The following HNF4G variants were observed in gnomAD, a reference collection of about 807,000 sequenced individuals.
The protein encoded by HNF4G is hepatocyte nuclear factor 4-gamma.
A neutral mutation model predicts 50.9 loss-of-function variants in HNF4G; 21 were observed. The observed-to-expected ratio is 0.41, with a 90% CI of 0.29 to 0.59. The LOEUF is 0.59. HNF4G is among the 20% of genes least tolerant of loss of function. The pLI is 0.26. For synonymous variants in HNF4G, 198 were observed against 185.6 expected (o/e 1.07, Z -0.54); for missense variants, 527 against 559.4 (o/e 0.94, Z 0.58).
intron 2 of HNF4G, among the ~76,000 whole-genome samples, chr8:75,494,344 A>G (rs1052277015): frequency 8.0e-5 from 12 of 150,254 alleles, no homozygotes; most frequent in African/African-American, 2.7e-4. Flanking sequence ...ACACACACAC[A>G]CACACAGGTT....
intron 1 of HNF4G, among the ~76,000 whole-genome samples, chr8:75,413,337 A>C (rs1044898891): frequency 1.2e-4 from 1 of 8,488 alleles, no homozygotes; most frequent in Admixed American, 1.6e-3. Flanking sequence ...AAGGGAGGGG[A>C]GGGGAGGGGT....
chr8:75,455,045 T>A (rs1164538217), intron 1 of HNF4G, among the ~76,000 whole-genome samples: 5 of 152,186 alleles, frequency 3.3e-5, no homozygotes, highest in Non-Finnish European at 7.4e-5. Flanking sequence ...CTCATTGTCC[T>A]CACATCATCC....
intron 1 of HNF4G, among the ~76,000 whole-genome samples, chr8:75,423,815 C>CTTTTTTTTTTTTTTTTTTTT (rs548125507): frequency 1.4e-5 from 1 of 71,176 alleles, no homozygotes; most frequent in Non-Finnish European, 2.5e-5. Flanking sequence ...AAGTTTCTTT[C>CTTTTTTTTTTTTTTTTTTTT]TTTTTTTTTT....
intron 1 of HNF4G, among the ~76,000 whole-genome samples, chr8:75,461,941 G>C (rs1811861624): frequency 2.0e-5 from 3 of 146,504 alleles, no homozygotes; most frequent in Admixed American, 1.4e-4. Flanking sequence ...TTTTTAGATG[G>C]AGTTTTGCTC....
chr8:75,497,353 A>C (rs771822036), intron 2 of HNF4G, among the ~76,000 whole-genome samples: 1 of 152,170 alleles, frequency 6.6e-6, no homozygotes, highest in Non-Finnish European at 1.5e-5. Flanking sequence ...GGTATAAAGT[A>C]CAATATATAA....
intron 1 of HNF4G, among the ~76,000 whole-genome samples, chr8:75,439,126 T>C (rs551164989): frequency 2.0e-5 from 3 of 152,086 alleles, no homozygotes; most frequent in Non-Finnish European, 4.4e-5. Context: ...CATATATTTA[T>C]CATGGTTGGA....
intron 5 of HNF4G, among the ~76,000 whole-genome samples, chr8:75,554,834 A>C (rs990698057): frequency 1.3e-5 from 2 of 152,190 alleles, no homozygotes; most frequent in African/African-American, 4.8e-5. Context: ...AATGGGGATA[A>C]AATGAGAAGA....
chr8:75,472,268 A>T (rs1176629768), intron 1 of HNF4G, among the ~76,000 whole-genome samples: 1 of 152,188 alleles, frequency 6.6e-6, no homozygotes, highest in Non-Finnish European at 1.5e-5. Context: ...TTAGCTTAGA[A>T]ATTCTTTTTT....
chr8:75,473,009 A>G (rs751487647), intron 1 of HNF4G, among the ~76,000 whole-genome samples: 1 of 152,126 alleles, frequency 6.6e-6, no homozygotes, highest in Non-Finnish European at 1.5e-5. Flanking sequence ...GTGAGTCACG[A>G]TTTACATATA....
chr8:75,491,765 C>T (rs778341708), intron 2 of HNF4G, among the ~76,000 whole-genome samples: 21 of 152,134 alleles, frequency 1.4e-4, no homozygotes, highest in Admixed American at 5.2e-4. Flanking sequence ...CGTGAGCCAC[C>T]GCGTCAGGCC....
At chr8:75,454,673 A>G (rs564848875) in intron 1 of HNF4G, among the ~76,000 whole-genome samples, 1 of 152,284 alleles carries the variant, frequency 6.6e-6, no homozygotes, top group Non-Finnish European at 1.5e-5. Flanking sequence ...TCATTCTCTT[A>G]GAGTGGCCTT....
intron 1 of HNF4G, among the ~76,000 whole-genome samples, chr8:75,442,001 A>G (rs970369423): frequency 7.2e-5 from 11 of 152,260 alleles, no homozygotes; most frequent in Admixed American, 1.3e-4. Flanking sequence ...TCTTGTGTCC[A>G]TTAACATAGA....
upstream of HNF4G, among the ~76,000 whole-genome samples, chr8:75,536,339 A>G (rs114715728): frequency 0.02 from 3,078 of 152,104 alleles, 105 homozygotes; most frequent in African/African-American, 0.067. Context: ...TTTAGAAGTA[A>G]ACTTAAAAGC....
intron 1 of HNF4G, among the ~76,000 whole-genome samples, chr8:75,464,099 A>G (rs2130613859): frequency 6.6e-6 from 1 of 152,220 alleles, no homozygotes; most frequent in Non-Finnish European, 1.5e-5. Context: ...TTGGAAATGT[A>G]TGAACAACAT....
At chr8:75,440,764 C>T (rs910714831) in intron 1 of HNF4G, among the ~76,000 whole-genome samples, 15 of 152,142 alleles carry the variant, frequency 9.9e-5, no homozygotes, top group Admixed American at 2.0e-4. Flanking sequence ...TAAAAGTAGG[C>T]TTAATTTTAA....
chr8:75,516,007 G>A (rs1585913415), intron 2 of HNF4G, among the ~76,000 whole-genome samples: 2 of 152,094 alleles, frequency 1.3e-5, no homozygotes, highest in East Asian at 3.9e-4. Context: ...CAGGTGATCT[G>A]CCTGCCTCGG....
At chr8:75,541,857 T>C (rs1015757926) in intron 1 of HNF4G, among the ~76,000 whole-genome samples, 3 of 152,132 alleles carry the variant, frequency 2.0e-5, no homozygotes, top group African/African-American at 7.2e-5. Context: ...GGCATAATCC[T>C]AAAAGCTGGA....
intron 1 of HNF4G, among the ~76,000 whole-genome samples, chr8:75,441,246 C>T (rs1161968438): frequency 2.8e-5 from 4 of 142,288 alleles, no homozygotes; most frequent in African/African-American, 7.7e-5. Context: ...AAGATTAGAA[C>T]TTTTTTTTTT....
chr8:75,444,666 T>A (rs1321363183), intron 1 of HNF4G, among the ~76,000 whole-genome samples: 1 of 116,430 alleles, frequency 8.6e-6, no homozygotes, highest in Admixed American at 8.4e-5. Flanking sequence ...CCAACAAAGA[T>A]CAAAAGAGAC....
Sources: gnomAD v4.1 joint callset for allele counts (sites outside exome capture counted in the v4.1 genomes callset) on GRCh38, gnomAD v4.1.1 for gene constraint, MANE v1.5 for transcripts, NCBI Gene and HGNC (gene_info 2026-07-23, HGNC 2026-07-21) for gene names.